The following SLC36A1 variants were observed in gnomAD, a reference collection of about 807,000 sequenced individuals.
SLC36A1 encodes the protein solute carrier family 36 member 1, also known as proton-coupled amino acid transporter 1.
SLC36A1 carries 30 observed loss-of-function variants against 47.5 expected under a neutral mutation model. The ratio of observed to expected loss-of-function variants is 0.63; its 90% CI spans 0.47 to 0.86. The LOEUF (loss-of-function observed/expected upper bound fraction) is 0.86, where lower values mean the gene tolerates loss of function less well. Ranked by LOEUF, SLC36A1 falls within the 40% of genes least tolerant of loss-of-function variation. SLC36A1 has a pLI of 0.00. For missense variants in SLC36A1, 517 were observed against 606.0 expected (o/e 0.85, Z 1.54); for synonymous variants, 255 against 249.7 (o/e 1.02, Z -0.20).
intron 1 of SLC36A1, among the ~76,000 whole-genome samples, chr5:151,453,097 G>A (rs1263381179): frequency 6.6e-6 from 1 of 151,190 alleles, no homozygotes; most frequent in Non-Finnish European, 1.5e-5. Context: ...CCAGCTACTC[G>A]GGAGGCTAAG....
chr5:151,523,514 A>C, the SLC36A1 span, among the ~76,000 whole-genome samples: 1 of 152,168 alleles, frequency 6.6e-6, no homozygotes, highest in Non-Finnish European at 1.5e-5. Flanking sequence ...CTGTGTCTAT[A>C]GCCTGTGTTT....
At chr5:151,529,851 A>T in the SLC36A1 span, among the ~76,000 whole-genome samples, 24,536 of 152,156 alleles carry the variant, frequency 0.16, 2,268 homozygotes, top group Non-Finnish European at 0.2. Flanking sequence ...GTTGCCCACA[A>T]ATTGTTAGGG....
the SLC36A1 span, chr5:151,527,251 A>C: frequency 6.2e-7 from 1 of 1,611,430 alleles, no homozygotes; most frequent in African/African-American, 1.3e-5. Flanking sequence ...GTGGTGCTGT[A>C]GTTGAGCTGG....
At chr5:151,496,503 A>G (rs2127558250), downstream of SLC36A1, among the ~76,000 whole-genome samples, 1 of 152,302 alleles carries the variant, frequency 6.6e-6, no homozygotes, top group East Asian at 1.9e-4. Context: ...TGTATGAGTG[A>G]TCTATTTCCT....
chr5:151,377,324 T>C, the SLC36A1 span, among the ~76,000 whole-genome samples: 290 of 151,880 alleles, frequency 1.9e-3, no homozygotes, highest in African/African-American at 5.8e-3. Flanking sequence ...AGTCCCCCAC[T>C]ATTATTGTAT....
the SLC36A1 span, chr5:151,380,748 C>A: frequency 5.0e-5 from 27 of 541,636 alleles, no homozygotes; most frequent in Admixed American, 5.2e-4. Flanking sequence ...AAGTGGGAAG[C>A]CCCTTGCAGA....
the SLC36A1 span, among the ~76,000 whole-genome samples, chr5:151,423,415 T>C: frequency 6.6e-6 from 1 of 152,158 alleles, no homozygotes; most frequent in African/African-American, 2.4e-5. Context: ...AATGGATAAA[T>C]AAACAATGAC....
chr5:151,441,724 A>G (rs139133396), intron 1 of SLC36A1, among the ~76,000 whole-genome samples: 2 of 152,306 alleles, frequency 1.3e-5, no homozygotes, highest in East Asian at 1.9e-4. Context: ...ACTTTTAAGA[A>G]TATATTAACC....
the SLC36A1 span, among the ~76,000 whole-genome samples, chr5:151,508,782 G>T: frequency 1.1e-4 from 16 of 151,936 alleles, no homozygotes; most frequent in Non-Finnish European, 4.4e-5. Context: ...CCCTGCCTGG[G>T]CCTCAGTTAC....
At chr5:151,470,064 T>C (rs1363183141) in intron 7 of SLC36A1, among the ~76,000 whole-genome samples, 2 of 152,224 alleles carry the variant, frequency 1.3e-5, no homozygotes, top group Non-Finnish European at 2.9e-5. Context: ...GCAGAACTAT[T>C]TTTTTAAACA....
intron 2 of SLC36A1, among the ~76,000 whole-genome samples, chr5:151,462,433 T>C (rs545128304): frequency 1.3e-5 from 2 of 152,080 alleles, no homozygotes; most frequent in South Asian, 2.1e-4. Context: ...GGCACAATCT[T>C]GGCTCACTGC....
chr5:151,368,980 A>G, the SLC36A1 span, among the ~76,000 whole-genome samples: 2 of 152,212 alleles, frequency 1.3e-5, no homozygotes, highest in Non-Finnish European at 2.9e-5. Context: ...GCTGATACGC[A>G]TGCTTGCTGG....
At chr5:151,438,331 A>G (rs1380474970) in intron 1 of SLC36A1, among the ~76,000 whole-genome samples, 1 of 152,086 alleles carries the variant, frequency 6.6e-6, no homozygotes, top group Non-Finnish European at 1.5e-5. Flanking sequence ...TCTTTTTCAC[A>G]TAACATGAAG....
the SLC36A1 span, chr5:151,531,681 C>T: frequency 2.5e-6 from 4 of 1,613,732 alleles, no homozygotes; most frequent in Admixed American, 1.7e-5. The surrounding 1 kb of genome is among the most constrained non-coding windows in gnomAD (Gnocchi z 5.7). Flanking sequence ...GGGTGGCCAG[C>T]TGCAGCACCT....
chr5:151,358,980 CAAAAAAAAAAAAAAAAA>C, the SLC36A1 span, among the ~76,000 whole-genome samples: 1 of 46,254 alleles, frequency 2.2e-5, no homozygotes, highest in South Asian at 6.7e-4. Context: ...GACTCCGTCT[CAAAAAAAAAAAAAAAAA>C]AAAAAAAAAA....
At chr5:151,529,352 G>A in the SLC36A1 span, 2 of 1,614,076 alleles carry the variant, frequency 1.2e-6, no homozygotes, top group Non-Finnish European at 1.7e-6. Flanking sequence ...AGTACTTGGG[G>A]CTTGTCTCAA....
the SLC36A1 span, among the ~76,000 whole-genome samples, chr5:151,413,118 A>C: frequency 1.3e-5 from 2 of 151,498 alleles, no homozygotes; most frequent in African/African-American, 4.8e-5. Flanking sequence ...TTACCAGCAC[A>C]GTGGCCAGCT....
chr5:151,421,815 C>T, the SLC36A1 span, among the ~76,000 whole-genome samples: 3 of 151,898 alleles, frequency 2.0e-5, no homozygotes, highest in African/African-American at 7.3e-5. Context: ...TGGTCTCAAT[C>T]TCTTAACCTT....
rs528405186 is a variant in SLC36A1, at chr5:151,440,930, A to G, written c.-6+3751A>G. Among the ~76,000 whole-genome samples, 10 of 152,344 alleles carry G rather than the reference A, an allele frequency of 6.6e-5. 1 individual carries two copies. In the East Asian group the frequency reaches 1.5e-3, roughly 23 times the overall value. ...CATGGCTAAAGCAAGTCCCTTCAGAAGCTTGTCCTTTAGGGCAGTGGTTCT... is the reference window on the plus strand; with the variant it reads ...CATGGCTAAAGCAAGTCCCTTCAGAGGCTTGTCCTTTAGGGCAGTGGTTCT... On this transcript the variant is annotated intron_variant, in intron 1 of 8. Transcript: ENST00000429484.
Sources: gnomAD v4.1 joint callset for allele counts (sites outside exome capture counted in the v4.1 genomes callset) on GRCh38, gnomAD v4.1.1 for gene constraint, Gnocchi (gnomAD v3.1) non-coding constraint, MANE v1.5 for transcripts, NCBI Gene and HGNC (gene_info 2026-07-23, HGNC 2026-07-21) for gene names.